The following TMEM178A variants were observed in gnomAD, a reference collection of about 807,000 sequenced individuals.
TMEM178A encodes the protein transmembrane protein 178A, also known as transmembrane protein 178.
Under a neutral mutation model 29.1 loss-of-function variants are expected in TMEM178A, and 12 were observed. That is an observed-to-expected ratio of 0.41 (90% CI 0.26 to 0.67). The LOEUF (loss-of-function observed/expected upper bound fraction) is 0.67. Among genes scored for constraint, TMEM178A ranks in the 30% least tolerant of loss-of-function variants. TMEM178A has a pLI of 0.29. For missense variants in TMEM178A, 366 were observed against 419.1 expected (o/e 0.87, Z 1.11); for synonymous variants, 210 against 187.2 (o/e 1.12, Z -0.99).
upstream of TMEM178A, chr2:39,665,825 G>A (rs1210315512): frequency 1.4e-6 from 1 of 731,100 alleles, no homozygotes; most frequent in East Asian, 3.5e-5. Context: ...GAGCGAGCCG[G>A]GCCGGGCTCG....
intron 1 of TMEM178A, among the ~76,000 whole-genome samples, chr2:39,677,923 T>G (rs1306997328): frequency 6.6e-6 from 1 of 151,832 alleles, no homozygotes; most frequent in Non-Finnish European, 1.5e-5. Flanking sequence ...GGCATATATT[T>G]GGACCACCAT....
intron 1 of TMEM178A, among the ~76,000 whole-genome samples, chr2:39,691,730 T>C (rs982663648): frequency 2.1e-4 from 32 of 152,114 alleles, no homozygotes; most frequent in African/African-American, 7.2e-4. Flanking sequence ...ATATTCACAA[T>C]AGCCAAGAAG....
intron 1 of TMEM178A, among the ~76,000 whole-genome samples, chr2:39,671,961 T>C (rs906307263): frequency 6.6e-6 from 1 of 152,226 alleles, no homozygotes; most frequent in Non-Finnish European, 1.5e-5. Flanking sequence ...TTTATTTCTG[T>C]ACCAATTCTG....
At chr2:39,684,786 C>G (rs1229756683) in intron 1 of TMEM178A, among the ~76,000 whole-genome samples, 2 of 152,126 alleles carry the variant, frequency 1.3e-5, no homozygotes, top group African/African-American at 4.8e-5. Context: ...TTTGCTCCAG[C>G]AATACTGAAC....
Position 39,670,545 on chromosome 2 carries a change from G to A in TMEM178A, c.400+4171G>A, listed in dbSNP as rs77761373. ...GTGGGTAAAATGACAGAAAATACAGGGCAGAGTGATCACATGCAGCATCCT... is the reference window on the plus strand; with the variant it reads ...GTGGGTAAAATGACAGAAAATACAGAGCAGAGTGATCACATGCAGCATCCT... On this transcript the variant is annotated intron_variant, in intron 1 of 3. Transcript: ENST00000281961. 6.9e-3 allele frequency among the ~76,000 whole-genome samples: 1,044 copies of A among 152,288 alleles called. 6 individuals carry two copies. Among genetic ancestry groups the A allele is most frequent in the Non-Finnish European group, 0.011 (717 of 68,028 alleles).
At chr2:39,690,402 G>C (rs1282805773) in intron 1 of TMEM178A, among the ~76,000 whole-genome samples, 1 of 152,184 alleles carries the variant, frequency 6.6e-6, no homozygotes, top group African/African-American at 2.4e-5. Context: ...ATGCAGAGAA[G>C]GTGTACAAAT....
intron 1 of TMEM178A, among the ~76,000 whole-genome samples, chr2:39,690,420 G>A (rs1240464758): frequency 1.3e-5 from 2 of 152,224 alleles, no homozygotes; most frequent in African/African-American, 4.8e-5. Flanking sequence ...AATGTGAACA[G>A]TTCAGGACAC....
Position 39,699,787 on chromosome 2 carries a change from A to G in TMEM178A, c.401-4294A>G, listed in dbSNP as rs890078997. 3.4e-4 allele frequency among the ~76,000 whole-genome samples: 52 copies of G among 152,166 alleles called. 1 individual carries two copies. The highest frequency in any genetic ancestry group is 1.2e-3 in the African/African-American group (49 of 41,454). ...TTTTTTAATGTAGGCATTTACAGCT[A>G]TAAATTTCCCTCAAAATTATTGCTT... On this transcript the variant is annotated intron_variant, in intron 1 of 3. Coordinates refer to ENST00000281961, the MANE Select transcript of TMEM178A (RefSeq NM_152390.3).
intron 3 of TMEM178A, among the ~76,000 whole-genome samples, chr2:39,712,861 T>C (rs1472207369): frequency 1.3e-5 from 2 of 152,228 alleles, no homozygotes; most frequent in African/African-American, 4.8e-5. Context: ...CCTTCCATAC[T>C]CCTTTCGCAT....
chr2:39,726,853 C>G, the TMEM178A span, among the ~76,000 whole-genome samples: 2 of 152,120 alleles, frequency 1.3e-5, no homozygotes, highest in East Asian at 3.9e-4. Flanking sequence ...TTTGTTTCAT[C>G]TCGAGCAGGC....
At chr2:39,691,801 A>G (rs1671329039) in intron 1 of TMEM178A, among the ~76,000 whole-genome samples, 1 of 151,692 alleles carries the variant, frequency 6.6e-6, no homozygotes, top group African/African-American at 2.4e-5. Context: ...ATAGATATAT[A>G]AAACATTTAC....
intron 3 of TMEM178A, among the ~76,000 whole-genome samples, chr2:39,716,501 T>A (rs180732449): frequency 7.9e-5 from 12 of 152,320 alleles, no homozygotes; most frequent in Admixed American, 4.6e-4. Flanking sequence ...CTTGTATGAC[T>A]TCATCTAAAA....
At chr2:39,723,519 A>C in the TMEM178A span, among the ~76,000 whole-genome samples, 1 of 152,208 alleles carries the variant, frequency 6.6e-6, no homozygotes, top group African/African-American at 2.4e-5. Context: ...TCTTGTAAGT[A>C]CTAAACATAA....
chr2:39,731,416 G>C, the TMEM178A span, among the ~76,000 whole-genome samples: 1 of 152,326 alleles, frequency 6.6e-6, no homozygotes, highest in Non-Finnish European at 1.5e-5. Flanking sequence ...TTTCTGGTGA[G>C]GGCCATGGGC....
chr2:39,730,569 C>T, the TMEM178A span, among the ~76,000 whole-genome samples: 2 of 152,130 alleles, frequency 1.3e-5, no homozygotes, highest in East Asian at 1.9e-4. Flanking sequence ...CTCATGGTTG[C>T]CCTGTAAGAA....
chr2:39,673,839 T>A (rs1354688295), intron 1 of TMEM178A, among the ~76,000 whole-genome samples: 1 of 152,234 alleles, frequency 6.6e-6, no homozygotes, highest in Non-Finnish European at 1.5e-5. Context: ...ATGTGAGCAC[T>A]TGCTTCACTC....
intron 1 of TMEM178A, among the ~76,000 whole-genome samples, chr2:39,679,484 A>G (rs180811823): frequency 6.6e-6 from 1 of 152,078 alleles, no homozygotes; most frequent in East Asian, 2.0e-4. Flanking sequence ...AAATCAGTGT[A>G]TAACTAACAA....
chr2:39,721,422 T>C (rs572532301), downstream of TMEM178A, among the ~76,000 whole-genome samples: 1 of 152,184 alleles, frequency 6.6e-6, no homozygotes, highest in Non-Finnish European at 1.5e-5. Flanking sequence ...TTATTTCCAA[T>C]TTTTTTCTCC....
Position 39,692,686 on chromosome 2 carries a change from G to C in TMEM178A, c.401-11395G>C, listed in dbSNP as rs148336969. 1.8e-3 allele frequency among the ~76,000 whole-genome samples: 276 copies of C among 152,148 alleles called. 1 individual carries two copies. Among genetic ancestry groups the C allele is most frequent in the African/African-American group, 6.5e-3 (269 of 41,504 alleles). ...TAACATTTATTAAGCGTCAACTATG[G>C]GCTAGGCACTGTGTTAGGACAGTAT... On this transcript the variant is annotated intron_variant, in intron 1 of 3. Transcript: ENST00000281961.
Sources: gnomAD v4.1 joint callset for allele counts (sites outside exome capture counted in the v4.1 genomes callset) on GRCh38, gnomAD v4.1.1 for gene constraint, MANE v1.5 for transcripts, NCBI Gene and HGNC (gene_info 2026-07-23, HGNC 2026-07-21) for gene names.